Variants in ACTA2 observed in about 807,000 individuals in gnomAD.
ACTA2 encodes the protein actin, aortic smooth muscle.
ACTA2 carries 12 observed loss-of-function variants against 39.5 expected under a neutral mutation model. That is an observed-to-expected ratio of 0.30 (90% confidence interval 0.19 to 0.49). ACTA2 has a LOEUF of 0.49. ACTA2 is among the 20% of genes least tolerant of loss of function. The pLI, the probability that ACTA2 is intolerant of heterozygous loss-of-function variation, is 0.99. For missense variants in ACTA2, 236 were observed against 498.8 expected, an observed-to-expected ratio of 0.47 and a Z score of 5.02; for synonymous variants, 158 against 180.6, an observed-to-expected ratio of 0.88 and a Z score of 1.00.
At chr10:88,946,157 C>T (rs568160979) in intron 3 of ACTA2, among the ~76,000 whole-genome samples, 8 of 152,206 alleles carry the variant, frequency 5.3e-5, no homozygotes, top group African/African-American at 1.9e-4. Context: ...AGTGCAACAG[C>T]TGATGGTATG....
intron 1 of ACTA2, among the ~76,000 whole-genome samples, chr10:88,949,603 A>C (rs926274953): frequency 2.0e-5 from 3 of 152,200 alleles, no homozygotes; most frequent in African/African-American, 7.2e-5. Flanking sequence ...CGTTAATAAA[A>C]GTCACTGTTA....
intron 6 of ACTA2, chr10:88,940,152 TC>T (rs1845821440): frequency 4.0e-6 from 1 of 251,882 alleles, no homozygotes; most frequent in Admixed American, 5.1e-5. Flanking sequence ...AAGTCTGAGA[TC>T]CTGTTGCCTG....
rs748980596 is a variant in ACTA2, at chr10:88,939,491, G to A, written c.808+16C>T. On this transcript the variant is annotated intron_variant, in intron 7 of 8. Coordinates refer to ENST00000224784, the MANE Select transcript of ACTA2 (RefSeq NM_001613.4). Reference sequence around the variant, plus strand: ...CAATGACTCCCCTTCCCAGGAAAAGGGCGTTTGTTGCCTACCGATGAAGGA... The same window carrying A: ...CAATGACTCCCCTTCCCAGGAAAAGAGCGTTTGTTGCCTACCGATGAAGGA... 1.9e-6 allele frequency: 3 copies of A among 1,612,338 alleles called. No homozygotes were observed. Among genetic ancestry groups the A allele is most frequent in the South Asian group, 1.1e-5 (1 of 90,996 alleles).
In ACTA2 at chr10:88,990,952, C is replaced by T. The variant is rs1847144814; in HGVS notation, c.-37G>A. The T allele has an allele frequency of 4.3e-6, 7 of 1,613,692 alleles. No homozygotes were observed. Among genetic ancestry groups the T allele is most frequent in the Non-Finnish European group, 5.1e-6 (6 of 1,179,660 alleles). Reference sequence around the variant, plus strand: ...GTGGAGGCTTACCCCGTCTTAGTCCCGGGGATAGGCAAAGTGGGGCGGGCG... The same window carrying T: ...GTGGAGGCTTACCCCGTCTTAGTCCTGGGGATAGGCAAAGTGGGGCGGGCG... On this transcript the variant is annotated 5_prime_UTR_variant, in exon 1 of 5. Transcript: ENST00000415557. This position sits in a 1 kb window ranked among gnomAD's most constrained non-coding sequence, Gnocchi z 4.9.
At chr10:88,972,802 T>C (rs578186233) in intron 1 of ACTA2, among the ~76,000 whole-genome samples, 2 of 152,352 alleles carry the variant, frequency 1.3e-5, no homozygotes, top group South Asian at 4.1e-4. Context: ...TCTAGTTAAC[T>C]ATATGTGCTA....
chr10:88,946,103 T>C (rs191101069), intron 3 of ACTA2, among the ~76,000 whole-genome samples: 37 of 152,132 alleles, frequency 2.4e-4, no homozygotes, highest in Non-Finnish European at 4.7e-4. Context: ...GACATTTTTT[T>C]CCTTTTCTTT....
intron 1 of ACTA2, among the ~76,000 whole-genome samples, chr10:88,972,607 G>T: frequency 6.7e-6 from 1 of 148,896 alleles, no homozygotes; most frequent in Non-Finnish European, 1.5e-5. Context: ...TATATCTTTT[G>T]GCATTATTTT....
intron 1 of ACTA2, among the ~76,000 whole-genome samples, chr10:88,968,236 G>C (rs1049476021): frequency 6.6e-6 from 1 of 152,100 alleles, no homozygotes; most frequent in African/African-American, 2.4e-5. Context: ...CAGAATATTT[G>C]ACTAACCAGA....
At chr10:88,939,155 G>C (rs983772683) in intron 7 of ACTA2, among the ~76,000 whole-genome samples, 23 of 152,228 alleles carry the variant, frequency 1.5e-4, no homozygotes, top group African/African-American at 5.5e-4. Flanking sequence ...GACTCACTTT[G>C]AGTGCTCTTC....
At chr10:88,988,633 C>A (rs1050288330) in intron 1 of ACTA2, among the ~76,000 whole-genome samples, 1 of 151,950 alleles carries the variant, frequency 6.6e-6, no homozygotes, top group Non-Finnish European at 1.5e-5. Context: ...AATTTTATTT[C>A]TTTGCCCTTG....
At chr10:88,978,346 A>G (rs1393702757) in intron 1 of ACTA2, among the ~76,000 whole-genome samples, 3 of 151,474 alleles carry the variant, frequency 2.0e-5, no homozygotes, top group African/African-American at 7.3e-5. Flanking sequence ...ACATGTATAC[A>G]TATGTAACTA....
intron 1 of ACTA2, chr10:88,973,305 C>A: frequency 6.2e-7 from 1 of 1,609,832 alleles, no homozygotes; most frequent in South Asian, 1.1e-5. Flanking sequence ...ACCATCTGAA[C>A]AGCTCTGAGA....
intron 1 of ACTA2, among the ~76,000 whole-genome samples, chr10:88,958,750 C>T (rs1846178222): frequency 6.6e-6 from 1 of 152,170 alleles, no homozygotes; most frequent in East Asian, 1.9e-4. Flanking sequence ...CTGACTAGAC[C>T]CAACTGCCCC....
chr10:88,981,178 C>T (rs921745075), intron 1 of ACTA2, among the ~76,000 whole-genome samples: 1 of 152,204 alleles, frequency 6.6e-6, no homozygotes, highest in African/African-American at 2.4e-5. Context: ...TGTCCTAACT[C>T]GAGCTCTGCC....
chr10:88,935,157 T>G lies in ACTA2; in HGVS notation c.*66A>C. On this transcript the variant is annotated 3_prime_UTR_variant, in exon 9 of 9. Coordinates refer to ENST00000224784, the MANE Select transcript of ACTA2 (RefSeq NM_001613.4). ...GGCTAGGAATGATTTGGAAAAGAAC[T>G]GAAGGCATAATTCCACAGGACATTC... is the stretch of plus-strand genomic sequence containing the variant. 1 of 1,598,196 alleles carries G rather than the reference T, an allele frequency of 6.3e-7. No individual in the cohort carries two copies. The highest frequency in any genetic ancestry group is 8.6e-7 in the Non-Finnish European group (1 of 1,168,252).
rs183824933 is a variant in ACTA2 at position 88,986,299 on chromosome 10, A to G, written c.-24+4640T>C. Among the ~76,000 whole-genome samples the G allele has an allele frequency of 4.6e-4, 70 of 152,258 alleles. 1 individual carries two copies. The highest frequency in any genetic ancestry group is 3.9e-3 in the Admixed American group (59 of 15,290). Reference sequence around the variant, plus strand: ...TGCTTCTCATGTTTGTTTTCATAGAATATCTGTGTTTTCAGGGGACCACCA... The same window carrying G: ...TGCTTCTCATGTTTGTTTTCATAGAGTATCTGTGTTTTCAGGGGACCACCA... On this transcript the variant is annotated intron_variant, in intron 1 of 4. Coordinates refer to the ACTA2 transcript ENST00000415557.
intron 1 of ACTA2, chr10:88,974,088 C>T (rs749827647): frequency 2.0e-5 from 3 of 152,170 alleles, no homozygotes; most frequent in Admixed American, 6.5e-5. Flanking sequence ...AGACATGAGC[C>T]ACTGTGCCCT....
chr10:88,937,895 A>G (rs976811634), intron 8 of ACTA2, among the ~76,000 whole-genome samples, 166 bp downstream of exon 8: 5 of 152,128 alleles, frequency 3.3e-5, no homozygotes, highest in African/African-American at 1.2e-4. Context: ...TTTCTTATGA[A>G]CTAGATTGAC....
At position 88,935,134 on chromosome 10, in the gene ACTA2, C is replaced by A; in HGVS notation, c.*89G>T. On this transcript the variant is annotated 3_prime_UTR_variant, in exon 9 of 9. Transcript: ENST00000224784. ...CATAGGTAACGAGTCAGAGCTTTGG[C>A]TAGGAATGATTTGGAAAAGAACTGA... 6.4e-7 allele frequency: 1 copy of A among 1,568,530 alleles called. No homozygotes were observed. The highest frequency in any genetic ancestry group is 8.7e-7 in the Non-Finnish European group (1 of 1,143,712).
Sources: gnomAD v4.1 joint callset for allele counts (sites outside exome capture counted in the v4.1 genomes callset) on GRCh38, gnomAD v4.1.1 for gene constraint, Gnocchi (gnomAD v3.1) non-coding constraint, MANE v1.5 for transcripts, NCBI Gene and HGNC (gene_info 2026-07-23, HGNC 2026-07-21) for gene names.